Variants in ASTN2 observed in about 807,000 individuals in gnomAD.
The protein encoded by ASTN2 is astrotactin 2.
Under a neutral mutation model 139.8 loss-of-function variants are expected in ASTN2, and 54 were observed. The observed-to-expected ratio is 0.39, with a 90% confidence interval of 0.31 to 0.48. The LOEUF is 0.48. Ranked by LOEUF, ASTN2 falls within the 20% of genes least tolerant of loss-of-function variation. ASTN2 has a pLI of 0.95. For missense variants in ASTN2, 1,565 were observed against 1,725.1 expected (o/e 0.91, Z 1.64); for synonymous variants, 756 against 719.5 (o/e 1.05, Z -0.81).
chr9:117,129,850 A>G (rs894174981), intron 4 of ASTN2, among the ~76,000 whole-genome samples: 6 of 152,114 alleles, frequency 3.9e-5, no homozygotes, highest in African/African-American at 1.4e-4. Flanking sequence ...TTATTGTTGT[A>G]AAATTAATTT....
intron 2 of ASTN2, among the ~76,000 whole-genome samples, chr9:117,236,219 T>A (rs1833040852): frequency 6.6e-6 from 1 of 152,206 alleles, no homozygotes; most frequent in Non-Finnish European, 1.5e-5. Context: ...CTGCCTTCCA[T>A]CATTACCAAA....
chr9:116,592,369 A>C (rs1854411877), intron 19 of ASTN2, among the ~76,000 whole-genome samples: 1 of 152,102 alleles, frequency 6.6e-6, no homozygotes, highest in Admixed American at 6.5e-5. Context: ...GGAGGGAGAG[A>C]GAAGGGGGAG....
At chr9:116,536,258 T>C (rs1189940113) in intron 19 of ASTN2, among the ~76,000 whole-genome samples, 3 of 151,950 alleles carry the variant, frequency 2.0e-5, no homozygotes, top group East Asian at 3.9e-4. Flanking sequence ...GCCATTCTTC[T>C]AATCTTTTTT....
At chr9:116,916,687 A>T (rs1008413500) in intron 10 of ASTN2, among the ~76,000 whole-genome samples, 4 of 152,026 alleles carry the variant, frequency 2.6e-5, no homozygotes, top group African/African-American at 9.7e-5. Context: ...AAAAATTACT[A>T]AAATTAACTA....
intron 1 of ASTN2, among the ~76,000 whole-genome samples, chr9:117,310,848 T>C (rs1014470246): frequency 6.6e-6 from 1 of 152,152 alleles, no homozygotes; most frequent in African/African-American, 2.4e-5. Context: ...GGTCTTGAAT[T>C]ACTGGGCTCA....
intron 13 of ASTN2, among the ~76,000 whole-genome samples, chr9:116,746,189 C>T (rs1466312838): frequency 1.3e-5 from 2 of 150,850 alleles, no homozygotes; most frequent in Non-Finnish European, 2.9e-5. Context: ...TGGATTCAAG[C>T]GATTCTCCTG....
intron 2 of ASTN2, among the ~76,000 whole-genome samples, chr9:117,219,480 G>A (rs1316496660): frequency 6.6e-6 from 1 of 152,156 alleles, no homozygotes; most frequent in Admixed American, 6.5e-5. Context: ...ATCTCCAAGG[G>A]TGACAAGCTG....
At position 117,341,506 on chromosome 9, in the gene ASTN2, C is replaced by T. The variant is rs1303132713; in HGVS notation, c.443-49993G>A. Among the ~76,000 whole-genome samples the T allele has an allele frequency of 3.9e-5, 6 of 152,120 alleles. No individual in the cohort carries two copies. In the South Asian group the frequency reaches 6.2e-4, roughly 16 times the overall value. ...TTTTGAAAAATCATAAAGTAGCAAA[C>T]GATCAAGCAAAAGACAATGCCAGAT... On this transcript the variant is annotated intron_variant, in intron 1 of 22. Coordinates refer to ENST00000313400, the MANE Select transcript of ASTN2 (RefSeq NM_001365068.1).
chr9:116,737,860 G>T (rs1469082350), intron 13 of ASTN2, among the ~76,000 whole-genome samples: 1 of 152,114 alleles, frequency 6.6e-6, no homozygotes, highest in Non-Finnish European at 1.5e-5. Context: ...AATGAGTTTT[G>T]AGGACTTGGC....
intron 10 of ASTN2, among the ~76,000 whole-genome samples, chr9:116,875,186 G>C (rs1191901135): frequency 6.6e-6 from 1 of 152,106 alleles, no homozygotes; most frequent in African/African-American, 2.4e-5. Flanking sequence ...GCACCAGTTA[G>C]GCAAGATGTG....
In ASTN2 at chr9:116,730,091, C is replaced by CT. The variant is rs1294480451; in HGVS notation, c.2522-996dup. Among the ~76,000 whole-genome samples the CT allele has an allele frequency of 3.3e-5, 5 of 152,320 alleles. No homozygotes were observed. In the South Asian group the frequency reaches 8.3e-4, roughly 25 times the overall value. Reference sequence around the variant, plus strand: ...TTCTACCCTAAGCTTTGCAAACTCTCTTTTTTATAAGCTGAACAAAAATAC... The same window carrying CT: ...TTCTACCCTAAGCTTTGCAAACTCTCTTTTTTTATAAGCTGAACAAAAATAC... On this transcript the variant is annotated intron_variant, in intron 14 of 22. Transcript: ENST00000313400.
chr9:117,246,972 T>A (rs1206101261), intron 2 of ASTN2, among the ~76,000 whole-genome samples: 1 of 152,086 alleles, frequency 6.6e-6, no homozygotes, highest in African/African-American at 2.4e-5. Context: ...TGAAGGTCCA[T>A]GGATTCTATC....
chr9:117,342,743 T>C (rs908637655), intron 1 of ASTN2, among the ~76,000 whole-genome samples: 5 of 152,136 alleles, frequency 3.3e-5, no homozygotes, highest in South Asian at 4.1e-4. Context: ...CGGTTTTATA[T>C]AGAAGAAATA....
At chr9:117,101,663 T>C (rs1394791629) in intron 4 of ASTN2, among the ~76,000 whole-genome samples, 1 of 152,202 alleles carries the variant, frequency 6.6e-6, no homozygotes, top group East Asian at 1.9e-4. Context: ...TCCCATTTTA[T>C]TGGTGGACAA....
At chr9:116,748,617 G>A (rs1465659556) in intron 13 of ASTN2, among the ~76,000 whole-genome samples, 1 of 152,118 alleles carries the variant, frequency 6.6e-6, no homozygotes, top group African/African-American at 2.4e-5. Context: ...TCATACCATT[G>A]GTATCTCATG....
chr9:116,460,154 G>T lies in ASTN2; in HGVS notation c.3498-17601C>A, dbSNP rs10983171. On this transcript the variant is annotated intron_variant, in intron 20 of 22. Coordinates refer to ENST00000313400, the MANE Select transcript of ASTN2 (RefSeq NM_001365068.1). ...TAAGTGAAAGAATCCAGACACAAAG[G>T]ACATATATTGCATGATTCCACTTAT... 0.013 allele frequency among the ~76,000 whole-genome samples: 1,961 copies of T among 152,100 alleles called. 180 individuals carry two copies. The South Asian group carries it at 0.2, about 16-fold the overall frequency.
At position 117,096,044 on chromosome 9, in the gene ASTN2, C is replaced by T. The variant is rs1828832206; in HGVS notation, c.1276G>A (p.Gly426Ser). Reference protein sequence around the residue: ...EQYRSRRRSKGLLKSPVNKTA... With the variant: ...EQYRSRRRSKSLLKSPVNKTA... ...TGGAACCTTCCAAGGACACTATTAC[C>T]TTTGCTGCGGCGGCGACTGCGGTAC... Residue 426 changes from glycine to serine, a missense_variant and splice_region_variant, in exon 5 of 23, where the codon GGT (glycine) becomes AGT (serine). Coordinates refer to ENST00000313400, the MANE Select transcript of ASTN2 (RefSeq NM_001365068.1). 6.2e-7 allele frequency: 1 copy of T among 1,613,848 alleles called. No individual in the cohort carries two copies. The highest frequency in any genetic ancestry group is 1.1e-5 in the South Asian group (1 of 91,066).
chr9:116,518,270 A>G (rs923983125), intron 19 of ASTN2, among the ~76,000 whole-genome samples: 3 of 152,162 alleles, frequency 2.0e-5, no homozygotes, highest in Non-Finnish European at 2.9e-5. Context: ...AACATCAGGT[A>G]ACCTATAAAA....
rs913699643 is a variant in ASTN2 at position 117,372,286 on chromosome 9, T to C, written c.442+42211A>G. On this transcript the variant is annotated intron_variant, in intron 1 of 22. Transcript: ENST00000313400. ...TGATCATTTACTGGCTCATTGAATC[T>C]TCCCCCAGAGGGTGAAGAAGGAAGA... is the stretch of plus-strand genomic sequence containing the variant. 3.3e-5 allele frequency among the ~76,000 whole-genome samples: 5 copies of C among 152,150 alleles called. No homozygotes were observed. In the East Asian group the frequency reaches 9.6e-4, roughly 29 times the overall value.
Sources: allele counts gnomAD v4.1 joint callset (sites outside exome capture counted in the v4.1 genomes callset), GRCh38; gene constraint gnomAD v4.1.1; transcripts MANE v1.5; gene names NCBI Gene and HGNC (gene_info 2026-07-23, HGNC 2026-07-21).